Variants in C2orf78 observed in about 807,000 individuals in gnomAD.
The protein encoded by C2orf78 is uncharacterized protein C2orf78.
A neutral mutation model predicts 21.4 loss-of-function variants in C2orf78; 12 were observed. The observed-to-expected ratio is 0.56, with a 90% CI of 0.36 to 0.91. C2orf78 has a LOEUF of 0.91. Among genes scored for constraint, C2orf78 ranks in the 40% least tolerant of loss-of-function variants. C2orf78 has a pLI of 0.01. For synonymous variants in C2orf78, 396 were observed against 413.9 expected, an observed-to-expected ratio of 0.96 and a Z score of 0.52; for missense variants, 1,042 against 1,092.4, an observed-to-expected ratio of 0.95 and a Z score of 0.65.
chr2:73,813,708 T>C, exon 2 of C2orf78: 1 of 1,614,040 alleles, frequency 6.2e-7, no homozygotes, highest in Non-Finnish European at 8.5e-7. Flanking sequence ...TTGTCTGGGG[T>C]TACTGGCCAG....
chr2:73,813,622 G>A (rs1348819713), exon 2 of C2orf78: 1 of 1,614,002 alleles, frequency 6.2e-7, no homozygotes, highest in Admixed American at 1.7e-5. Flanking sequence ...CATGGCTACA[G>A]CCATCAGCCT....
At chr2:73,815,585 C>G (rs1477846116) in exon 3 of C2orf78, 2 of 1,613,978 alleles carry the variant, frequency 1.2e-6, no homozygotes, top group Non-Finnish European at 1.7e-6. Context: ...CTTACCTCCC[C>G]CCGATCTTCA....
intron 1 of C2orf78, among the ~76,000 whole-genome samples, chr2:73,809,612 C>G (rs553436146): frequency 3.8e-4 from 58 of 151,704 alleles, no homozygotes; most frequent in Non-Finnish European, 7.5e-4. Context: ...ATGGCAAGAC[C>G]CCATCTCTAC....
chr2:73,784,387 T>C, exon 1 of C2orf78: 1 of 1,159,330 alleles, frequency 8.6e-7, no homozygotes, highest in East Asian at 2.6e-5. Flanking sequence ...TTGATGTTTC[T>C]TCTTCTCTGA....
exon 3 of C2orf78, chr2:73,815,908 T>C: frequency 6.2e-7 from 1 of 1,613,286 alleles, no homozygotes; most frequent in African/African-American, 1.3e-5. Context: ...TCCAGCAGGA[T>C]CAGCAAAACT....
At chr2:73,786,119 C>A (rs1672926426) in intron 1 of C2orf78, among the ~76,000 whole-genome samples, 1 of 151,960 alleles carries the variant, frequency 6.6e-6, no homozygotes, top group Non-Finnish European at 1.5e-5. Context: ...GTGGCTCACA[C>A]CTGTAATCAC....
chr2:73,816,602 A>G (rs1673205703), exon 3 of C2orf78: 4 of 1,612,156 alleles, frequency 2.5e-6, no homozygotes, highest in Non-Finnish European at 3.4e-6. Context: ...AAGCAACCCA[A>G]CCCAGTTCAG....
intron 1 of C2orf78, chr2:73,808,915 C>A (rs983422576): frequency 9.1e-6 from 8 of 878,686 alleles, no homozygotes; most frequent in Non-Finnish European, 1.2e-5. Flanking sequence ...AAGAGAGAAA[C>A]TTTTTAAAAA....
intron 1 of C2orf78, among the ~76,000 whole-genome samples, chr2:73,809,709 A>G (rs959186854): frequency 6.6e-6 from 1 of 152,178 alleles, no homozygotes; most frequent in African/African-American, 2.4e-5. Context: ...GCTTGAGCCC[A>G]GGAGGTTGAG....
exon 3 of C2orf78, chr2:73,815,993 A>G: frequency 6.2e-7 from 1 of 1,614,026 alleles, no homozygotes; most frequent in Non-Finnish European, 8.5e-7. Flanking sequence ...GTAAGCAGTC[A>G]GGGAAAAAAG....
At chr2:73,814,028 G>T (rs1251313891) in exon 2 of C2orf78, 3 of 1,613,838 alleles carry the variant, frequency 1.9e-6, no homozygotes, top group African/African-American at 2.7e-5. Flanking sequence ...CTATAATCAA[G>T]GCACACTGGG....
chr2:73,813,383 T>G, intron 1 of C2orf78, 94 bp from the exon 2 acceptor site: 1 of 1,303,810 alleles, frequency 7.7e-7, no homozygotes, highest in Non-Finnish European at 1.0e-6. Context: ...AGAGGCTTCC[T>G]GATTGCAACA....
exon 2 of C2orf78, chr2:73,814,117 G>A (rs771686389): frequency 1.2e-6 from 2 of 1,612,736 alleles, no homozygotes; most frequent in Non-Finnish European, 1.7e-6. Flanking sequence ...AACCAGAAAT[G>A]GTGATGGTGC....
chr2:73,815,747 G>T, exon 3 of C2orf78: 1 of 1,613,586 alleles, frequency 6.2e-7, no homozygotes, highest in Non-Finnish European at 8.5e-7. Context: ...AAGCTTCCGA[G>T]CCTATCCAGG....
rs769415227 is a variant in C2orf78, at chr2:73,816,771, T to G, written c.2548T>G (p.Phe850Val). 4 of 1,613,952 alleles carry G rather than the reference T, an allele frequency of 2.5e-6. No homozygotes were observed. The Admixed American group carries it at 5.0e-5, about 20-fold the overall frequency. The change falls in exon 3 of 3, where the codon TTC (phenylalanine) becomes GTC (valine). Residue 850 changes from phenylalanine (F) to valine (V), a missense_variant. Transcript: ENST00000409561. Reference sequence around the variant, plus strand: ...TCAAAATCAATTTCTAATCCAAGACTTCAGCCTCCAACCCCGTCCATGGAG... The same window carrying G: ...TCAAAATCAATTTCTAATCCAAGACGTCAGCCTCCAACCCCGTCCATGGAG...
At chr2:73,809,734 G>C (rs1673034855) in intron 1 of C2orf78, among the ~76,000 whole-genome samples, 1 of 152,148 alleles carries the variant, frequency 6.6e-6, no homozygotes, top group Admixed American at 6.5e-5. Context: ...CAGTGAGTCA[G>C]GTTCACACCA....
At chr2:73,814,572 T>C (rs1003794809) in intron 2 of C2orf78, among the ~76,000 whole-genome samples, 2 of 152,342 alleles carry the variant, frequency 1.3e-5, no homozygotes, top group African/African-American at 4.8e-5. Flanking sequence ...TTCAGAACTC[T>C]TATTTTGGCG....
chr2:73,808,966 T>C (rs563923455), intron 1 of C2orf78: 1 of 573,326 alleles, frequency 1.7e-6, no homozygotes, highest in African/African-American at 1.9e-5. Flanking sequence ...TTAGATTTCT[T>C]TCCCCCTATA....
chr2:73,786,248 C>T lies in C2orf78; in HGVS notation c.97+1842C>T, dbSNP rs6758427. Among the ~76,000 whole-genome samples, 869 of 151,488 alleles carry T rather than the reference C, an allele frequency of 5.7e-3. 16 individuals carry two copies. Among genetic ancestry groups the T allele is most frequent in the African/African-American group, 0.02 (810 of 41,180 alleles). On this transcript the variant is annotated intron_variant, in intron 1 of 2. Transcript: ENST00000409561. ...TATAAGAATTAGCTGGGTGTGGTGGCGTGCACCTGTAATCCTCCTACTTGG... is the reference window on the plus strand; with the variant it reads ...TATAAGAATTAGCTGGGTGTGGTGGTGTGCACCTGTAATCCTCCTACTTGG...
Sources: allele counts gnomAD v4.1 joint callset (sites outside exome capture counted in the v4.1 genomes callset), GRCh38; gene constraint gnomAD v4.1.1; transcripts MANE v1.5; gene names NCBI Gene and HGNC (gene_info 2026-07-23, HGNC 2026-07-21).